Variants in PDSS2 observed in about 807,000 individuals in gnomAD.
PDSS2 encodes the protein all trans-polyprenyl-diphosphate synthase PDSS2.
A neutral mutation model predicts 44.5 loss-of-function variants in PDSS2; 31 were observed. The ratio of observed to expected loss-of-function variants is 0.70; its 90% confidence interval spans 0.52 to 0.94. PDSS2 has a LOEUF of 0.94. Ranked by LOEUF, PDSS2 falls within the 40% of genes least tolerant of loss-of-function variation. The pLI, the probability that PDSS2 is intolerant of heterozygous loss-of-function variation, is 0.00. For synonymous variants in PDSS2, 157 were observed against 180.3 expected (o/e 0.87, Z 1.03); for missense variants, 452 against 482.2 (o/e 0.94, Z 0.59).
chr6:107,420,813 C>T (rs1314398765), intron 1 of PDSS2, among the ~76,000 whole-genome samples: 1 of 148,546 alleles, frequency 6.7e-6, no homozygotes, highest in Non-Finnish European at 1.5e-5. Flanking sequence ...ATCAAAAACC[C>T]AATCTATAAA....
At chr6:107,372,268 T>C (rs947700149) in intron 1 of PDSS2, among the ~76,000 whole-genome samples, 4 of 152,108 alleles carry the variant, frequency 2.6e-5, no homozygotes, top group African/African-American at 4.8e-5. Flanking sequence ...TCTCTCACTG[T>C]TGTACACCGG....
intron 7 of PDSS2, among the ~76,000 whole-genome samples, chr6:107,174,887 T>C (rs971483579): frequency 6.6e-6 from 1 of 152,122 alleles, no homozygotes; most frequent in African/African-American, 2.4e-5. Flanking sequence ...CAATCTCATA[T>C]ATAGTACTTA....
chr6:107,442,034 G>A (rs959994781), intron 1 of PDSS2, among the ~76,000 whole-genome samples: 5 of 152,196 alleles, frequency 3.3e-5, no homozygotes, highest in Non-Finnish European at 5.9e-5. Flanking sequence ...GAAACTGTCT[G>A]TAAATTCCTG....
intron 1 of PDSS2, among the ~76,000 whole-genome samples, chr6:107,412,168 G>A (rs571772082): frequency 1.6e-4 from 24 of 150,222 alleles, no homozygotes; most frequent in Middle Eastern, 3.5e-3. Flanking sequence ...GATTACAGGC[G>A]TCAGCCACCG....
chr6:107,346,484 A>C (rs1165526258), intron 1 of PDSS2, among the ~76,000 whole-genome samples: 1 of 152,190 alleles, frequency 6.6e-6, no homozygotes, highest in Non-Finnish European at 1.5e-5. Context: ...TATTTTGATT[A>C]TTCTTCTTCC....
At chr6:107,313,803 T>A (rs1562455278) in intron 2 of PDSS2, among the ~76,000 whole-genome samples, 3 of 152,216 alleles carry the variant, frequency 2.0e-5, no homozygotes, top group Admixed American at 2.0e-4. Flanking sequence ...GTATCCTCTT[T>A]TGTTTCGTAT....
chr6:107,173,670 G>A (rs996244619), intron 7 of PDSS2, among the ~76,000 whole-genome samples: 16 of 146,332 alleles, frequency 1.1e-4, no homozygotes, highest in Admixed American at 9.7e-4. Flanking sequence ...TTCTTATCAC[G>A]TTTCTATGCA....
chr6:107,315,922 T>A (rs1377982781), intron 2 of PDSS2, among the ~76,000 whole-genome samples: 1 of 152,176 alleles, frequency 6.6e-6, no homozygotes, highest in Non-Finnish European at 1.5e-5. Context: ...TATCACAATA[T>A]ACAGTTTTAG....
At chr6:107,318,359 C>G (rs1280575849) in intron 2 of PDSS2, among the ~76,000 whole-genome samples, 1 of 152,098 alleles carries the variant, frequency 6.6e-6, no homozygotes, top group East Asian at 1.9e-4. Flanking sequence ...ACCCATCCTC[C>G]CACCCAGAGG....
At chr6:107,364,543 G>C (rs370337455) in intron 1 of PDSS2, among the ~76,000 whole-genome samples, 88 of 152,360 alleles carry the variant, frequency 5.8e-4, no homozygotes, top group Middle Eastern at 6.8e-3. Flanking sequence ...TCCGAGTGCG[G>C]GGCCCACCAA....
intron 1 of PDSS2, among the ~76,000 whole-genome samples, chr6:107,366,648 A>G (rs1475737121): frequency 6.6e-6 from 1 of 152,036 alleles, no homozygotes; most frequent in Non-Finnish European, 1.5e-5. Flanking sequence ...AAAAGATCAC[A>G]TTACTGACCC....
At chr6:107,347,737 G>A (rs1778298729) in intron 1 of PDSS2, among the ~76,000 whole-genome samples, 2 of 151,976 alleles carry the variant, frequency 1.3e-5, no homozygotes, top group Admixed American at 1.3e-4. Flanking sequence ...TTTATTTCCA[G>A]GAACATACTA....
intron 7 of PDSS2, among the ~76,000 whole-genome samples, chr6:107,181,811 A>G (rs1054213758): frequency 6.7e-6 from 1 of 150,176 alleles, no homozygotes; most frequent in African/African-American, 2.5e-5. Context: ...AATCGCTTGA[A>G]CCCAGGAGGT....
chr6:107,432,207 T>C (rs558304627), intron 1 of PDSS2, among the ~76,000 whole-genome samples: 1 of 152,276 alleles, frequency 6.6e-6, no homozygotes, highest in East Asian at 1.9e-4. Flanking sequence ...AACACATAGA[T>C]AATCAAAAAC....
At chr6:107,387,963 A>G (rs1030588727) in intron 1 of PDSS2, among the ~76,000 whole-genome samples, 2 of 152,254 alleles carry the variant, frequency 1.3e-5, no homozygotes, top group African/African-American at 2.4e-5. Context: ...CATGCATTAC[A>G]TGATTCTCAA....
At chr6:107,385,551 C>T (rs1443691656) in intron 1 of PDSS2, among the ~76,000 whole-genome samples, 1 of 152,176 alleles carries the variant, frequency 6.6e-6, no homozygotes, top group Non-Finnish European at 1.5e-5. Context: ...GGATATGTTA[C>T]ACTGCCTTAG....
At chr6:107,317,910 C>G (rs1039263211) in intron 2 of PDSS2, among the ~76,000 whole-genome samples, 1 of 152,078 alleles carries the variant, frequency 6.6e-6, no homozygotes, top group African/African-American at 2.4e-5. Flanking sequence ...GTAATTTTCC[C>G]TTTCCAAAAT....
At chr6:107,452,751 C>T (rs1400471632) in intron 1 of PDSS2, among the ~76,000 whole-genome samples, 2 of 152,000 alleles carry the variant, frequency 1.3e-5, no homozygotes, top group Non-Finnish European at 2.9e-5. Flanking sequence ...ACTGCAACCT[C>T]CGCCTCCCAA....
intron 1 of PDSS2, among the ~76,000 whole-genome samples, chr6:107,336,900 A>T (rs1183778354): frequency 7.6e-6 from 1 of 131,860 alleles, no homozygotes. Flanking sequence ...GGGCCTGGTC[A>T]GGGATTAAGG....
Sources: allele counts gnomAD v4.1 joint callset (sites outside exome capture counted in the v4.1 genomes callset), GRCh38; gene constraint gnomAD v4.1.1; transcripts MANE v1.5; gene names NCBI Gene and HGNC (gene_info 2026-07-23, HGNC 2026-07-21).